The following WDR17 variants were observed in gnomAD, a reference collection of about 807,000 sequenced individuals.
The protein encoded by WDR17 is WD repeat-containing protein 17.
WDR17 carries 143 observed loss-of-function variants against 161.7 expected under a neutral mutation model. That is an observed-to-expected ratio of 0.88 (90% confidence interval 0.77 to 1.02). WDR17 has a LOEUF of 1.02. Among genes scored for constraint, WDR17 ranks in the 50% least tolerant of loss-of-function variants. The pLI is 0.00. For synonymous variants in WDR17, 517 were observed against 515.6 expected (o/e 1.00, Z -0.04); for missense variants, 1,469 against 1,520.9 (o/e 0.97, Z 0.57).
Position 176,147,764 on chromosome 4 carries a change from A to T in WDR17, c.1695-369A>T, listed in dbSNP as rs573020663. 3.1e-3 allele frequency among the ~76,000 whole-genome samples: 467 copies of T among 148,620 alleles called. 1 individual carries two copies. Among genetic ancestry groups the T allele is most frequent in the African/African-American group, 0.011 (440 of 39,888 alleles). ...AAAACTTAAAGTATAATAATAATTTAAAAAACTGTGAAATAATATGTTTAC... is the reference window on the plus strand; with the variant it reads ...AAAACTTAAAGTATAATAATAATTTTAAAAACTGTGAAATAATATGTTTAC... On this transcript the variant is annotated intron_variant, in intron 12 of 28. Coordinates refer to ENST00000508596, the MANE Select transcript of WDR17 (RefSeq NM_181265.4).
intron 9 of WDR17, 134 bp from the exon 10 acceptor site, chr4:176,139,757 CT>C (rs1453554975): frequency 1.4e-5 from 9 of 633,416 alleles, no homozygotes; most frequent in Non-Finnish European, 2.4e-5. Flanking sequence ...GGTTTCTGCT[CT>C]TGACAGTAAT....
chr4:176,131,188 TTGTG>T (rs1377373593), intron 6 of WDR17, among the ~76,000 whole-genome samples: 1 of 152,176 alleles, frequency 6.6e-6, no homozygotes, highest in African/African-American at 2.4e-5. Flanking sequence ...GCATATATGT[TTGTG>T]TGTGTGGAAG....
chr4:176,146,219 G>A (rs946709575), intron 12 of WDR17, 60 bp downstream of exon 12: 23 of 1,522,074 alleles, frequency 1.5e-5, no homozygotes, highest in Non-Finnish European at 1.9e-5. Flanking sequence ...TATTTTCCTA[G>A]AAATGTACAT....
rs1465801487 is a variant in WDR17, at chr4:176,107,943, CTTAT to C, written c.-6-3629_-6-3626del. On this transcript the variant is annotated intron_variant, in intron 1 of 28. Transcript: ENST00000508596. ...TCTTCCTTTTTTCCTTCCTTCCTTC[CTTAT>C]TTTTTTCCCTTTTGTCCCTTCCTTC... Among the ~76,000 whole-genome samples the C allele has an allele frequency of 1.5e-4, 17 of 113,084 alleles. No individual in the cohort carries two copies. The East Asian group carries it at 4.7e-3, about 31-fold the overall frequency. The allele number at this position is 113,084 out of a possible 152,430, so 74.2% of individuals were successfully genotyped here. A position where few individuals can be genotyped will look rare whatever the true frequency, so the allele number is the denominator to read the frequency against.
At chr4:176,081,173 A>T (rs1034514999) in intron 1 of WDR17, among the ~76,000 whole-genome samples, 1 of 152,134 alleles carries the variant, frequency 6.6e-6, no homozygotes, top group African/African-American at 2.4e-5. Flanking sequence ...TAGTGTCAGG[A>T]TGATATTAGT....
At chr4:176,072,354 G>T (rs183706232) in intron 1 of WDR17, among the ~76,000 whole-genome samples, 1 of 152,194 alleles carries the variant, frequency 6.6e-6, no homozygotes, top group African/African-American at 2.4e-5. Context: ...TAAATTGTCT[G>T]AGAGTGATAT....
intron 22 of WDR17, among the ~76,000 whole-genome samples, chr4:176,168,006 G>A (rs1976031): frequency 0.32 from 48,706 of 151,364 alleles, 8,852 homozygotes; most frequent in Non-Finnish European, 0.39. Flanking sequence ...AATTGCCCGG[G>A]CATGGTGGCA....
rs554826309 is a variant in WDR17 at position 176,121,684 on chromosome 4, T to A, written c.538+1587T>A. On this transcript the variant is annotated intron_variant, in intron 4 of 28. Coordinates refer to ENST00000508596, the MANE Select transcript of WDR17 (RefSeq NM_181265.4). ...TTTTTTCTTGCTTTATTATTATTAG[T>A]CATCTTTGAAAGTTTCAAGCCATAA... is the stretch of plus-strand genomic sequence containing the variant. 2.0e-5 allele frequency among the ~76,000 whole-genome samples: 3 copies of A among 152,316 alleles called. No homozygotes were observed. In the South Asian group the frequency reaches 6.2e-4, roughly 32 times the overall value.
At chr4:176,094,824 ATC>A (rs570318569) in intron 1 of WDR17, among the ~76,000 whole-genome samples, 72 of 152,310 alleles carry the variant, frequency 4.7e-4, no homozygotes, top group Non-Finnish European at 7.9e-4. Flanking sequence ...TCAGGTTACT[ATC>A]TAGAATATAA....
intron 4 of WDR17, among the ~76,000 whole-genome samples, chr4:176,120,775 C>T (rs1480341705): frequency 6.6e-6 from 1 of 151,272 alleles, no homozygotes; most frequent in South Asian, 2.1e-4. Flanking sequence ...TTCTGGCTGG[C>T]TAGATGGATG....
At chr4:176,154,629 T>G (rs1440008597) in intron 17 of WDR17, among the ~76,000 whole-genome samples, 1 of 152,232 alleles carries the variant, frequency 6.6e-6, no homozygotes, top group Non-Finnish European at 1.5e-5. Flanking sequence ...TAATCTACAT[T>G]GCAACTTCTT....
intron 22 of WDR17, among the ~76,000 whole-genome samples, chr4:176,168,412 T>A (rs1295755379): frequency 5.3e-5 from 8 of 152,198 alleles, no homozygotes; most frequent in Non-Finnish European, 8.8e-5. Context: ...TAAAATTAAT[T>A]ATAAGTATGT....
At chr4:176,133,276 AAG>A (rs1448723510) in intron 7 of WDR17, among the ~76,000 whole-genome samples, 1,456 of 68,244 alleles carry the variant, frequency 0.021, 42 homozygotes, top group Middle Eastern at 0.031. Flanking sequence ...AAAAAAAAAG[AAG>A]AAGAAGAAGA....
chr4:176,132,162 T>G (rs565598361), intron 7 of WDR17, among the ~76,000 whole-genome samples: 1 of 151,910 alleles, frequency 6.6e-6, no homozygotes, highest in Non-Finnish European at 1.5e-5. Context: ...GATACTTAAG[T>G]GATTCTATGA....
chr4:176,122,405 C>T (rs1741744393), intron 4 of WDR17, among the ~76,000 whole-genome samples: 1 of 152,050 alleles, frequency 6.6e-6, no homozygotes, highest in Admixed American at 6.6e-5. Context: ...CACAGTTCAA[C>T]CCATAACAAC....
intron 2 of WDR17, among the ~76,000 whole-genome samples, chr4:176,114,649 GATAA>G (rs1048487949): frequency 5.9e-5 from 9 of 151,964 alleles, no homozygotes; most frequent in African/African-American, 2.2e-4. Flanking sequence ...AAGGTGATAA[GATAA>G]ATAAGTAAAC....
rs1752283391 is a variant in WDR17 at position 176,182,759 on chromosome 4, T to C, written c.*3180T>C. The stretch of plus-strand genomic sequence containing the variant: ...TGGCATGTCATTATCTAGATTTATA[T>C]GTATGTACGTATTTCAGGTCCTTGA... On this transcript the variant is annotated 3_prime_UTR_variant, in exon 29 of 29. Transcript: ENST00000508596. The surrounding 1 kb of genome is among the most constrained non-coding windows in gnomAD (Gnocchi z 4.2). 6.6e-6 allele frequency: 1 copy of C among 152,206 alleles called. No individual in the cohort carries two copies. Among genetic ancestry groups the C allele is most frequent in the African/African-American group, 2.4e-5 (1 of 41,458 alleles). The allele number at this position is 152,206 out of a possible 1,614,324, so 9.4% of individuals were successfully genotyped here. A position where few individuals can be genotyped will look rare whatever the true frequency, so the allele number is the denominator to read the frequency against.
chr4:176,170,050 G>A (rs1333318580), intron 23 of WDR17, among the ~76,000 whole-genome samples: 2 of 152,144 alleles, frequency 1.3e-5, no homozygotes, highest in Non-Finnish European at 2.9e-5. Context: ...GGCAGAAGGT[G>A]CAGATGTTAA....
At chr4:176,156,713 C>T (rs927505138) in intron 18 of WDR17, among the ~76,000 whole-genome samples, 37 of 151,624 alleles carry the variant, frequency 2.4e-4, no homozygotes, top group African/African-American at 8.2e-4. Context: ...AAATGGGTGG[C>T]CTAAAACAAC....
Sources: gnomAD v4.1 joint callset for allele counts (sites outside exome capture counted in the v4.1 genomes callset) on GRCh38, gnomAD v4.1.1 for gene constraint, Gnocchi (gnomAD v3.1) non-coding constraint, MANE v1.5 for transcripts, NCBI Gene and HGNC (gene_info 2026-07-23, HGNC 2026-07-21) for gene names.